The following RALGAPB variants were observed in gnomAD, a reference collection of about 807,000 sequenced individuals.
RALGAPB encodes Ral GTPase activating protein non-catalytic subunit beta.
Under a neutral mutation model 161.1 loss-of-function variants are expected in RALGAPB, and 25 were observed. That is an observed-to-expected ratio of 0.16 (90% CI 0.11 to 0.22). RALGAPB has a LOEUF of 0.22. Among genes scored for constraint, RALGAPB ranks in the 10% least tolerant of loss-of-function variants. RALGAPB has a pLI of 1.00. For missense variants in RALGAPB, 1,391 were observed against 1,815.2 expected, an observed-to-expected ratio of 0.77 and a Z score of 4.25; for synonymous variants, 629 against 626.1, an observed-to-expected ratio of 1.00 and a Z score of -0.07.
At chr20:38,483,936 A>G (rs1488631569) in intron 1 of RALGAPB, among the ~76,000 whole-genome samples, 17 of 152,160 alleles carry the variant, frequency 1.1e-4, no homozygotes, top group Non-Finnish European at 2.4e-4. Context: ...CATGCCTGTA[A>G]TCCCAGCACT....
At chr20:38,531,599 C>G (rs1385999961) in intron 14 of RALGAPB, among the ~76,000 whole-genome samples, 1 of 152,182 alleles carries the variant, frequency 6.6e-6, no homozygotes, top group Admixed American at 6.5e-5. Flanking sequence ...CCCATCAATT[C>G]TTTCTAACCC....
chr20:38,524,816 A>T lies in RALGAPB; in HGVS notation c.1658A>T (p.Asp553Val). ...TTAATTCAAGGTTTGCAGATAAATG[A>T]TTATGTGTGCCATCCTGTCTTGGCC... ...MLLIQGLQIN[D>V]YVCHPVLASV... is the part of the protein sequence containing the mutation. Residue 553 changes from aspartate (D) to valine (V), a missense_variant, in exon 11 of 30, where the codon GAT (aspartate) becomes GTT (valine). Coordinates refer to ENST00000262879, the MANE Select transcript of RALGAPB (RefSeq NM_020336.4). 1 of 1,610,334 alleles carries T rather than the reference A, an allele frequency of 6.2e-7. No individual in the cohort carries two copies. The highest frequency in any genetic ancestry group is 8.5e-7 in the Non-Finnish European group (1 of 1,176,604).
chr20:38,569,126 G>A (rs907419922), intron 26 of RALGAPB: 2 of 152,174 alleles, frequency 1.3e-5, no homozygotes, highest in Admixed American at 6.5e-5. Flanking sequence ...TGGTCATCTG[G>A]TAAAGACATG....
chr20:38,480,966 G>A (rs1410031696), intron 1 of RALGAPB, among the ~76,000 whole-genome samples: 2 of 150,408 alleles, frequency 1.3e-5, no homozygotes, highest in African/African-American at 2.5e-5. Context: ...TTGATCTCCT[G>A]ACCTCGTGAT....
Position 38,525,429 on chromosome 20 carries a change from G to A in RALGAPB, c.1813G>A (p.Val605Ile), listed in dbSNP as rs768844109. Reference sequence around the variant, plus strand: ...AGAACTCTCAAAATTCAAAAGCTATGTAAATCCAACAGAATTGCGAAGATC... The same window carrying A: ...AGAACTCTCAAAATTCAAAAGCTATATAAATCCAACAGAATTGCGAAGATC... ...DRELSKFKSYVNPTELRRSSI... is the reference protein window; with the variant it reads ...DRELSKFKSYINPTELRRSSI... The change falls in exon 12 of 30, where the codon GTA (valine) becomes ATA (isoleucine). Residue 605 changes from valine to isoleucine, a missense_variant. Coordinates refer to ENST00000262879, the MANE Select transcript of RALGAPB (RefSeq NM_020336.4). 3.1e-6 allele frequency: 5 copies of A among 1,596,600 alleles called. No homozygotes were observed. The highest frequency in any genetic ancestry group is 4.3e-6 in the Non-Finnish European group (5 of 1,174,986).
chr20:38,529,782 A>G (rs1303027589), intron 13 of RALGAPB, among the ~76,000 whole-genome samples: 2 of 152,202 alleles, frequency 1.3e-5, no homozygotes, highest in African/African-American at 2.4e-5. Flanking sequence ...TGGAGGTTGC[A>G]GTGAGCCAAG....
chr20:38,548,606 GAGA>G, intron 19 of RALGAPB, 80 bp from the exon 20 acceptor site: 2 of 1,080,380 alleles, frequency 1.9e-6, no homozygotes, highest in Non-Finnish European at 2.7e-6. Context: ...CTTTGATTAT[GAGA>G]AGCTCTGCAG....
chr20:38,496,290 C>CT (rs1410979951), intron 3 of RALGAPB, among the ~76,000 whole-genome samples: 1 of 152,148 alleles, frequency 6.6e-6, no homozygotes, highest in Non-Finnish European at 1.5e-5. Flanking sequence ...AGCCCAGAAT[C>CT]TGAGAATCTC....
intron 3 of RALGAPB, among the ~76,000 whole-genome samples, chr20:38,494,481 C>T (rs1219493398): frequency 1.3e-5 from 2 of 152,052 alleles, no homozygotes; most frequent in Non-Finnish European, 2.9e-5. Context: ...AAATACAAAA[C>T]TTAGCCGGGT....
At chr20:38,538,727 A>C (rs994028165) in intron 16 of RALGAPB, among the ~76,000 whole-genome samples, 1 of 152,324 alleles carries the variant, frequency 6.6e-6, no homozygotes, top group Middle Eastern at 3.4e-3. Flanking sequence ...TACCACTGCA[A>C]ATCTATTAGA....
At chr20:38,550,985 GGC>G (rs1337235702) in intron 20 of RALGAPB, 84 bp from the exon 21 acceptor site, 2 of 1,437,332 alleles carry the variant, frequency 1.4e-6, no homozygotes, top group African/African-American at 2.8e-5. Context: ...GGGAAACACA[GGC>G]ATCTAAGAGA....
intron 6 of RALGAPB, 27 bp downstream of exon 6, chr20:38,509,235 C>T (rs779566762): frequency 1.2e-6 from 2 of 1,601,676 alleles, no homozygotes; most frequent in Non-Finnish European, 1.7e-6. Flanking sequence ...ATTTCATGTG[C>T]CATTTACCTA....
intron 16 of RALGAPB, among the ~76,000 whole-genome samples, chr20:38,536,201 C>A (rs938297216): frequency 7.2e-5 from 11 of 152,190 alleles, no homozygotes; most frequent in African/African-American, 2.7e-4. Context: ...CTATACTGGA[C>A]ATTTCATATA....
chr20:38,513,001 C>A (rs2086009793), intron 6 of RALGAPB, among the ~76,000 whole-genome samples: 1 of 151,806 alleles, frequency 6.6e-6, no homozygotes. Flanking sequence ...ACCTCATGAT[C>A]CGCCTGCCTC....
chr20:38,540,658 C>T (rs1201090976), intron 17 of RALGAPB, among the ~76,000 whole-genome samples: 1 of 152,054 alleles, frequency 6.6e-6, no homozygotes, highest in Non-Finnish European at 1.5e-5. Flanking sequence ...CTTAAACCAT[C>T]CCCCTCCTTT....
At chr20:38,573,973 A>G (rs573191237) in intron 28 of RALGAPB, 177 bp from the exon 29 acceptor site, 5 of 495,522 alleles carry the variant, frequency 1.0e-5, no homozygotes, top group African/African-American at 2.0e-5. Context: ...AGGGGGTAGC[A>G]GCATAGATTC....
intron 26 of RALGAPB, among the ~76,000 whole-genome samples, chr20:38,567,540 C>A (rs1023465356): frequency 6.6e-6 from 1 of 152,120 alleles, no homozygotes; most frequent in African/African-American, 2.4e-5. Flanking sequence ...AAAGTTACTG[C>A]AGTAACTACA....
At chr20:38,518,483 C>T (rs1230473997) in intron 9 of RALGAPB, among the ~76,000 whole-genome samples, 1 of 152,116 alleles carries the variant, frequency 6.6e-6, no homozygotes, top group Non-Finnish European at 1.5e-5. Flanking sequence ...ATTTCAAGGG[C>T]ACACTTTCAA....
intron 5 of RALGAPB, among the ~76,000 whole-genome samples, chr20:38,506,554 A>C (rs928053347): frequency 6.6e-6 from 1 of 152,132 alleles, no homozygotes; most frequent in African/African-American, 2.4e-5. Context: ...TTGGCCTCCC[A>C]AAGTTCTGGT....
Sources: gnomAD v4.1 joint callset for allele counts (sites outside exome capture counted in the v4.1 genomes callset) on GRCh38, gnomAD v4.1.1 for gene constraint, MANE v1.5 for transcripts, NCBI Gene and HGNC (gene_info 2026-07-23, HGNC 2026-07-21) for gene names.